The following CFAP46 variants were observed in gnomAD, a reference collection of about 807,000 sequenced individuals.
The protein encoded by CFAP46 is cilia- and flagella-associated protein 46.
Under a neutral mutation model 325.7 loss-of-function variants are expected in CFAP46, and 245 were observed. The observed-to-expected ratio is 0.75, with a 90% CI of 0.68 to 0.84. The LOEUF (loss-of-function observed/expected upper bound fraction) is 0.84, where lower values mean the gene tolerates loss of function less well. Ranked by LOEUF, CFAP46 falls within the 40% of genes least tolerant of loss-of-function variation. The pLI, the probability that CFAP46 is intolerant of heterozygous loss-of-function variation, is 0.00. For missense variants in CFAP46, 3,346 were observed against 3,543.0 expected, an observed-to-expected ratio of 0.94 and a Z score of 1.41; for synonymous variants, 1,523 against 1,495.9, an observed-to-expected ratio of 1.02 and a Z score of -0.42.
At position 132,886,024 on chromosome 10, in the gene CFAP46, C is replaced by T. The variant is rs1849125743; in HGVS notation, c.3305-65G>A. The T allele has an allele frequency of 6.5e-7, 1 of 1,527,466 alleles. No homozygotes were observed. Among genetic ancestry groups the T allele is most frequent in the Admixed American group, 2.0e-5 (1 of 50,230 alleles). 94.6% of individuals were successfully genotyped at this position (1,527,466 alleles called of 1,614,324 possible). ...TCCCTCATCAAAGGCGCCCTCGGACCTCCCAGACTAAGCTGCCCATCACAG... is the reference window on the plus strand; with the variant it reads ...TCCCTCATCAAAGGCGCCCTCGGACTTCCCAGACTAAGCTGCCCATCACAG... On this transcript the variant is annotated intron_variant, in intron 25 of 57. Transcript: ENST00000368586. The surrounding 1 kb of genome is among the most constrained non-coding windows in gnomAD (Gnocchi z 5.8).
At chr10:132,850,455 C>T (rs1220312695) in intron 40 of CFAP46, 23 bp from the exon 41 acceptor site, 3 of 1,527,830 alleles carry the variant, frequency 2.0e-6, no homozygotes, top group Non-Finnish European at 2.7e-6. Flanking sequence ...AGACATGTTA[C>T]AGCTGCCACC....
In CFAP46 at chr10:132,869,973, G is replaced by A. The variant is rs975777009; in HGVS notation, c.4512-601C>T. Among the ~76,000 whole-genome samples the A allele has an allele frequency of 3.3e-4, 50 of 152,216 alleles. No individual in the cohort carries two copies. Among genetic ancestry groups the A allele is most frequent in the African/African-American group, 1.1e-3 (47 of 41,452 alleles). On this transcript the variant is annotated intron_variant, in intron 32 of 57. Coordinates refer to ENST00000368586, the MANE Select transcript of CFAP46 (RefSeq NM_001200049.3). This position sits in a 1 kb window ranked among gnomAD's most constrained non-coding sequence, Gnocchi z 6.2. ...ATGTTGCATATTTTACAAATTGAAA[G>A]TCTGGGGCAGCCCTGAGCGACCAAG...
intron 35 of CFAP46, among the ~76,000 whole-genome samples, chr10:132,863,868 A>G (rs1848761065): frequency 1.5e-5 from 2 of 137,226 alleles, no homozygotes; most frequent in Non-Finnish European, 3.1e-5. Context: ...AGAGACCTGC[A>G]CACACCTGTC....
intron 24 of CFAP46, among the ~76,000 whole-genome samples, chr10:132,894,700 C>T (rs1849298175): frequency 6.6e-6 from 1 of 152,014 alleles, no homozygotes; most frequent in Admixed American, 6.6e-5. Flanking sequence ...CATTTGCACA[C>T]CAACAAATTA....
At chr10:132,854,212 C>T (rs891571774) in intron 39 of CFAP46, among the ~76,000 whole-genome samples, 1 of 151,978 alleles carries the variant, frequency 6.6e-6, no homozygotes, top group Non-Finnish European at 1.5e-5. Flanking sequence ...TTTTTTTATT[C>T]CCTTCAGTTC....
chr10:132,822,730 G>GA (rs1847896095), intron 50 of CFAP46, among the ~76,000 whole-genome samples: 1 of 137,608 alleles, frequency 7.3e-6, no homozygotes, highest in Non-Finnish European at 1.6e-5. Context: ...GATGTGTGCT[G>GA]TGTGTGCAGT....
chr10:132,937,871 T>C (rs1850033657), intron 5 of CFAP46, among the ~76,000 whole-genome samples, 196 bp from the exon 6 acceptor site: 1 of 152,216 alleles, frequency 6.6e-6, no homozygotes, highest in African/African-American at 2.4e-5. Flanking sequence ...TCGTTACCGC[T>C]AGCACCGGGG....
At chr10:132,909,445 G>A (rs369738987) in intron 20 of CFAP46, among the ~76,000 whole-genome samples, 7 of 152,216 alleles carry the variant, frequency 4.6e-5, no homozygotes, top group African/African-American at 7.2e-5. Context: ...AAGTCCGTGC[G>A]GCCCCCATGT....
At chr10:132,887,446 TTC>T (rs1193383569) in intron 25 of CFAP46, among the ~76,000 whole-genome samples, 7 of 89,792 alleles carry the variant, frequency 7.8e-5, no homozygotes, top group Admixed American at 5.1e-4. Context: ...CTCTCCCCTC[TTC>T]TCTCTCCTCT....
At chr10:132,857,270 A>G (rs1294638550) in intron 39 of CFAP46, among the ~76,000 whole-genome samples, 1 of 152,104 alleles carries the variant, frequency 6.6e-6, no homozygotes, top group Non-Finnish European at 1.5e-5. Flanking sequence ...CTGTCCCATG[A>G]GTGGCAGTGC....
At chr10:132,811,369 C>T (rs995197394) in intron 55 of CFAP46, among the ~76,000 whole-genome samples, 1 of 152,218 alleles carries the variant, frequency 6.6e-6, no homozygotes, top group Non-Finnish European at 1.5e-5. Context: ...CCCTGGCACC[C>T]CACATGAATG....
chr10:132,912,302 T>TC (rs1554883940), intron 19 of CFAP46, among the ~76,000 whole-genome samples: 36,154 of 98,516 alleles, frequency 0.37, 8,159 homozygotes, highest in Admixed American at 0.51. Flanking sequence ...CTCTCTCCTC[T>TC]CTTTCTCCTG....
chr10:132,914,838 C>T (rs1477650989), intron 17 of CFAP46, among the ~76,000 whole-genome samples: 1 of 152,132 alleles, frequency 6.6e-6, no homozygotes, highest in Non-Finnish European at 1.5e-5. Flanking sequence ...CTGTGTCCAG[C>T]CACACTGCAG....
rs923353544 is a variant in CFAP46 at position 132,869,672 on chromosome 10, C to G, written c.4512-300G>C. On this transcript the variant is annotated intron_variant, in intron 32 of 57. Transcript: ENST00000368586. This position sits in a 1 kb window ranked among gnomAD's most constrained non-coding sequence, Gnocchi z 6.2. ...GCCCTCAGGTGGGCTCAGCACCCAC[C>G]ACAATAAGCAGAGAAGCCTCGACTC... Among the ~76,000 whole-genome samples the G allele has an allele frequency of 1.3e-5, 2 of 152,090 alleles. No individual in the cohort carries two copies. The highest frequency in any genetic ancestry group is 4.8e-5 in the African/African-American group (2 of 41,410).
chr10:132,838,472 G>A (rs900847629), intron 44 of CFAP46, among the ~76,000 whole-genome samples: 14 of 152,280 alleles, frequency 9.2e-5, no homozygotes, highest in African/African-American at 1.2e-4. Flanking sequence ...ACTGGCCCTC[G>A]TCCCCACAAG....
At chr10:132,867,600 A>C in intron 33 of CFAP46, 93 bp from the exon 34 acceptor site, 1 of 1,439,818 alleles carries the variant, frequency 6.9e-7, no homozygotes, top group Non-Finnish European at 9.3e-7. Flanking sequence ...GAAAACAGCC[A>C]CAATTACATT....
chr10:132,858,787 A>G (rs1363359904), intron 38 of CFAP46, among the ~76,000 whole-genome samples: 1 of 152,070 alleles, frequency 6.6e-6, no homozygotes, highest in Non-Finnish European at 1.5e-5. Flanking sequence ...CTGGAGGTGC[A>G]AGGCCCAATG....
At chr10:132,891,103 AG>A (rs1335244222) in intron 25 of CFAP46, among the ~76,000 whole-genome samples, 2 of 152,198 alleles carry the variant, frequency 1.3e-5, no homozygotes, top group African/African-American at 4.8e-5. Flanking sequence ...TTGTGGAAGT[AG>A]AAAAATGCGA....
intron 19 of CFAP46, among the ~76,000 whole-genome samples, chr10:132,911,805 T>C (rs1849544291): frequency 6.6e-6 from 1 of 152,106 alleles, no homozygotes; most frequent in East Asian, 1.9e-4. Context: ...GTGTGGTCCC[T>C]GTTTCTCGCC....
Sources: allele counts gnomAD v4.1 joint callset (sites outside exome capture counted in the v4.1 genomes callset), GRCh38; gene constraint gnomAD v4.1.1; non-coding constraint Gnocchi (gnomAD v3.1); transcripts MANE v1.5; gene names NCBI Gene and HGNC (gene_info 2026-07-23, HGNC 2026-07-21).